MINDY2: variants seen among roughly 807,000 people sequenced by gnomAD.
MINDY2 encodes the protein ubiquitin carboxyl-terminal hydrolase MINDY-2.
Under a neutral mutation model 68.2 loss-of-function variants are expected in MINDY2, and 52 were observed. The ratio of observed to expected loss-of-function variants is 0.76; its 90% CI spans 0.61 to 0.96. MINDY2 has a LOEUF of 0.96. Among genes scored for constraint, MINDY2 ranks in the 40% least tolerant of loss-of-function variants. MINDY2 has a pLI of 0.00. For missense variants in MINDY2, 881 were observed against 773.4 expected, an observed-to-expected ratio of 1.14 and a Z score of -1.65; for synonymous variants, 372 against 303.0, an observed-to-expected ratio of 1.23 and a Z score of -2.36.
chr15:58,832,616 G>A (rs376189428), intron 6 of MINDY2, among the ~76,000 whole-genome samples: 2 of 150,632 alleles, frequency 1.3e-5, no homozygotes, highest in East Asian at 2.0e-4. Flanking sequence ...CGCAACCTCC[G>A]CCTCAGGTTC....
rs567646111 is a variant in MINDY2, at chr15:58,829,973, C to G, written c.1226-1801C>G. ...TGTTAGTTTCATACCACAGATTTAT[C>G]TTTAGTCCCTGTATCTATATCTCTC... On this transcript the variant is annotated intron_variant, in intron 5 of 8. Transcript: ENST00000559228. Among the ~76,000 whole-genome samples, 18 of 152,258 alleles carry G rather than the reference C, an allele frequency of 1.2e-4. No individual in the cohort carries two copies. The East Asian group carries it at 3.5e-3, about 29-fold the overall frequency.
chr15:58,853,398 A>C (rs1203779654), intron 8 of MINDY2, among the ~76,000 whole-genome samples: 1 of 152,172 alleles, frequency 6.6e-6, no homozygotes, highest in Non-Finnish European at 1.5e-5. Context: ...TCAAATATTG[A>C]CTACTCCAAG....
rs1213109756 is a variant in MINDY2 at position 58,771,692 on chromosome 15, G to A, written c.297G>A (p.Glu99=). 3 of 1,612,456 alleles carry A rather than the reference G, an allele frequency of 1.9e-6. No homozygotes were observed. The highest frequency in any genetic ancestry group is 1.7e-5 in the Admixed American group (1 of 59,974). The change falls in exon 1 of 9, where the codon GAG becomes GAA. Residue 99 remains glutamate (E), a synonymous_variant. Coordinates refer to ENST00000559228, the MANE Select transcript of MINDY2 (RefSeq NM_001040450.3). Reference sequence around the variant, plus strand: ...GTTTGGAGAGTCCTGCTGCCGCCGAGGCGCCTCTGAGAGGGCAGTACAAGG... The same window carrying A: ...GTTTGGAGAGTCCTGCTGCCGCCGAAGCGCCTCTGAGAGGGCAGTACAAGG... The part of the protein sequence containing the change: ...DSGLESPAAA[E]APLRGQYKVT...
At chr15:58,833,854 T>C (rs1355078778) in intron 6 of MINDY2, among the ~76,000 whole-genome samples, 2 of 152,062 alleles carry the variant, frequency 1.3e-5, no homozygotes, top group African/African-American at 4.8e-5. Flanking sequence ...CCTCTTTTAC[T>C]AATCTTCCTC....
intron 1 of MINDY2, 40 bp from the exon 2 acceptor site, chr15:58,787,866 A>G (rs1266079843): frequency 3.5e-6 from 5 of 1,436,078 alleles, no homozygotes; most frequent in Non-Finnish European, 4.8e-6. Flanking sequence ...TTAGTCACCT[A>G]AAACATTTAA....
chr15:58,821,787 A>G lies in MINDY2; in HGVS notation c.1193A>G (p.Lys398Arg), dbSNP rs540114618. The change falls in exon 5 of 9, where the codon AAA (lysine) becomes AGA (arginine). Residue 398 changes from lysine (K) to arginine (R), a missense_variant. Physicochemically the swap from Lys to Arg is conservative, Grantham distance 26 (BLOSUM62 2). Transcript: ENST00000559228. ...CTAGTGGAGAAGATCATCTCTTGTA[A>G]ACAGTCAGACAATAGTGAGCTGGTT... ...NQLVEKIISC[K>R]QSDNSELVSE... is the part of the protein sequence containing the mutation. 6.3e-7 allele frequency: 1 copy of G among 1,592,938 alleles called. No homozygotes were observed. Among genetic ancestry groups the G allele is most frequent in the African/African-American group, 1.4e-5 (1 of 73,778 alleles).
rs868242688 is a variant in MINDY2, at chr15:58,807,600, T to C, written c.964-2630T>C. Among the ~76,000 whole-genome samples the C allele has an allele frequency of 2.0e-5, 3 of 152,264 alleles. No individual in the cohort carries two copies. In the Middle Eastern group the frequency reaches 0.01, roughly 518 times the overall value. ...GGATGGTCTCGATCTCCTGACCTTG[T>C]GATCCGCCCGCCTCGGCCTCCCAAA... On this transcript the variant is annotated intron_variant, in intron 3 of 8. Transcript: ENST00000559228.
chr15:58,797,647 G>A (rs1466425426), intron 2 of MINDY2, among the ~76,000 whole-genome samples: 1 of 152,198 alleles, frequency 6.6e-6, no homozygotes, highest in Admixed American at 6.5e-5. Flanking sequence ...AAACTGTGCT[G>A]CCACTCCATA....
At chr15:58,789,649 G>GT (rs537100562) in intron 2 of MINDY2, among the ~76,000 whole-genome samples, 60 of 150,324 alleles carry the variant, frequency 4.0e-4, no homozygotes, top group Non-Finnish European at 2.5e-4. Context: ...GTTTGTTTTT[G>GT]TTTTTTTTGT....
At chr15:58,800,663 CTTT>C (rs576365812) in intron 2 of MINDY2, among the ~76,000 whole-genome samples, 1 of 141,178 alleles carries the variant, frequency 7.1e-6, no homozygotes, top group Admixed American at 7.2e-5. Flanking sequence ...TCCAGTTTAG[CTTT>C]TTTTTTTTTT....
intron 4 of MINDY2, among the ~76,000 whole-genome samples, chr15:58,817,141 G>A (rs184726146): frequency 1.3e-5 from 2 of 152,124 alleles, no homozygotes; most frequent in African/African-American, 4.8e-5. Context: ...GAGAATTTGT[G>A]TTCATCTAAA....
chr15:58,787,693 C>G (rs1198825683), intron 1 of MINDY2, among the ~76,000 whole-genome samples: 1 of 146,774 alleles, frequency 6.8e-6, no homozygotes, highest in Non-Finnish European at 1.5e-5. Context: ...GCCGAGATTG[C>G]GCCACTGCAG....
intron 2 of MINDY2, among the ~76,000 whole-genome samples, chr15:58,801,172 C>G (rs1332921113): frequency 6.6e-6 from 1 of 151,900 alleles, no homozygotes; most frequent in Non-Finnish European, 1.5e-5. Flanking sequence ...CAGGATTTCA[C>G]CATGTTGGCC....
At position 58,771,887 on chromosome 15, in the gene MINDY2, G is replaced by A. The variant is rs1396992726; in HGVS notation, c.492G>A (p.Pro164=). ...GCCTCAGCAGCAGTTGCAGCGACCC[G>A]AGCCCTCCTGGGGAATCTCCGAGCC... ...AGGLSSSCSD[P]SPPGESPSLD... Residue 164 remains proline (P), a synonymous_variant, in exon 1 of 9, where the codon CCG becomes CCA. Transcript: ENST00000559228. The A allele has an allele frequency of 6.4e-7, 1 of 1,570,254 alleles. No homozygotes were observed. Among genetic ancestry groups the A allele is most frequent in the South Asian group, 1.2e-5 (1 of 84,346 alleles).
chr15:58,816,986 A>G (rs1211448129), intron 4 of MINDY2, among the ~76,000 whole-genome samples: 1 of 152,200 alleles, frequency 6.6e-6, no homozygotes, highest in Non-Finnish European at 1.5e-5. Flanking sequence ...GGGGGAAAAA[A>G]AAGTTTAACT....
intron 1 of MINDY2, among the ~76,000 whole-genome samples, chr15:58,782,045 A>G (rs1172074928): frequency 3.3e-5 from 5 of 152,110 alleles, no homozygotes; most frequent in African/African-American, 9.7e-5. Context: ...AATGTAAAAC[A>G]TGTGTAATAG....
At chr15:58,826,475 C>T (rs937201524) in intron 5 of MINDY2, among the ~76,000 whole-genome samples, 16 of 152,022 alleles carry the variant, frequency 1.1e-4, no homozygotes, top group East Asian at 7.7e-4. Context: ...GTGATCCGCC[C>T]GCCTTGGCCT....
chr15:58,848,525 C>T (rs550236486), intron 7 of MINDY2, among the ~76,000 whole-genome samples: 3 of 152,030 alleles, frequency 2.0e-5, no homozygotes, highest in Non-Finnish European at 2.9e-5. Context: ...GGGTAGATCA[C>T]AAGGTCAGGA....
chr15:58,793,972 C>T (rs1179746117), intron 2 of MINDY2, among the ~76,000 whole-genome samples: 1 of 152,250 alleles, frequency 6.6e-6, no homozygotes, highest in East Asian at 1.9e-4. Flanking sequence ...TTCTCAGTCA[C>T]GTTCAGCTGC....
Sources: allele counts gnomAD v4.1 joint callset (sites outside exome capture counted in the v4.1 genomes callset), GRCh38; gene constraint gnomAD v4.1.1; transcripts MANE v1.5; gene names NCBI Gene and HGNC (gene_info 2026-07-23, HGNC 2026-07-21).